Variants in PPFIBP2 observed in about 807,000 individuals in gnomAD.
PPFIBP2 encodes the protein PPFIB scaffold protein 2.
In PPFIBP2, 118 loss-of-function variants were observed where a neutral mutation model predicts 118.3. The observed-to-expected ratio is 1.00, with a 90% CI of 0.86 to 1.16. PPFIBP2 has a LOEUF of 1.16. Among genes scored for constraint, PPFIBP2 ranks in the 50% most tolerant of loss-of-function variants. The pLI, the probability that PPFIBP2 is intolerant of heterozygous loss-of-function variation, is 0.00. For synonymous variants in PPFIBP2, 414 were observed against 397.4 expected (o/e 1.04, Z -0.50); for missense variants, 1,195 against 1,073.1 (o/e 1.11, Z -1.59).
intron 5 of PPFIBP2, among the ~76,000 whole-genome samples, chr11:7,606,230 T>C (rs1383265978): frequency 2.0e-5 from 3 of 152,188 alleles, no homozygotes; most frequent in Non-Finnish European, 4.4e-5. Flanking sequence ...TGGTCTCCAA[T>C]TGAAATGACG....
At chr11:7,539,597 G>A (rs1851563872) in intron 1 of PPFIBP2, 1 of 152,348 alleles carries the variant, frequency 6.6e-6, no homozygotes, top group Non-Finnish European at 1.5e-5. Context: ...TGAGCTCCGG[G>A]GTCAGAGATA....
chr11:7,535,761 C>T (rs778161675), intron 1 of PPFIBP2, among the ~76,000 whole-genome samples: 8 of 152,128 alleles, frequency 5.3e-5, no homozygotes, highest in Non-Finnish European at 1.0e-4. Context: ...AGAGGAGGTT[C>T]TCCAGTGCCC....
intron 4 of PPFIBP2, among the ~76,000 whole-genome samples, chr11:7,594,979 C>T (rs191438512): frequency 6.9e-6 from 1 of 144,192 alleles, no homozygotes; most frequent in African/African-American, 2.5e-5. Flanking sequence ...AATACATTAA[C>T]TATTTCAGGT....
Position 7,608,238 on chromosome 11 carries a change from A to G in PPFIBP2, c.487-2053A>G, listed in dbSNP as rs189109641. On this transcript the variant is annotated intron_variant, in intron 5 of 23. Coordinates refer to ENST00000299492, the MANE Select transcript of PPFIBP2 (RefSeq NM_003621.5). The stretch of plus-strand genomic sequence containing the variant: ...ATATTTGTTGATTGCCTATTTTAGC[A>G]TGTTTTTTTAAATGTCTCTTAAAAT... Among the ~76,000 whole-genome samples, 14 of 152,312 alleles carry G rather than the reference A, an allele frequency of 9.2e-5. No individual in the cohort carries two copies. In the East Asian group the frequency reaches 2.3e-3, roughly 25 times the overall value.
chr11:7,630,803 T>A (rs11823260), intron 10 of PPFIBP2, 122 bp from the exon 11 acceptor site: 116,776 of 735,700 alleles, frequency 0.16, 10,325 homozygotes, highest in Middle Eastern at 0.2. Context: ...ACTCTTACTG[T>A]CCCTTTATAT....
intron 12 of PPFIBP2, among the ~76,000 whole-genome samples, chr11:7,633,245 G>A (rs887412476): frequency 3.3e-5 from 5 of 152,186 alleles, no homozygotes; most frequent in Admixed American, 6.5e-5. Context: ...AGAGCATCCC[G>A]TGATGTGTGT....
chr11:7,625,979 G>A lies in PPFIBP2; in HGVS notation c.826+88G>A. The A allele has an allele frequency of 1.8e-6, 2 of 1,115,200 alleles. 1 individual carries two copies. The highest frequency in any genetic ancestry group is 2.6e-6 in the Non-Finnish European group (2 of 758,672). 69.1% of individuals were successfully genotyped at this position (1,115,200 alleles called of 1,614,324 possible). ...AGCATGTGTTTCTATAAATGAGTGT[G>A]CATATGTGCTTGTGTGTGTAGCCAT... is the stretch of plus-strand genomic sequence containing the variant. On this transcript the variant is annotated intron_variant, in intron 8 of 23. Transcript: ENST00000299492.
rs1849024781 is a variant in PPFIBP2 at position 7,514,138 on chromosome 11, C to CA, written c.-37+18dup. 1 of 152,320 alleles carries CA rather than the reference C, an allele frequency of 6.6e-6. No individual in the cohort carries two copies. The allele number at this position is 152,320 out of a possible 1,614,324, so 9.4% of individuals were successfully genotyped here. ...CGTACCCAGGTCAGTGGGCTCTCCCCACACCCCGGGCTTGCCGCGCGGTCG... is the reference window on the plus strand; with the variant it reads ...CGTACCCAGGTCAGTGGGCTCTCCCCAACACCCCGGGCTTGCCGCGCGGTCG... On this transcript the variant is annotated intron_variant, in intron 1 of 23. Transcript: ENST00000299492.
Position 7,648,470 on chromosome 11 carries a change from T to A in PPFIBP2, c.1730T>A (p.Ile577Asn), listed in dbSNP as rs1853456748. The A allele has an allele frequency of 6.2e-7, 1 of 1,613,986 alleles. No homozygotes were observed. ...GACTTTGGCCTGGCTCAGTATGTGA[T>A]CTTTGCCAGGCAGTGGGTATCTTCT... ...LEDFGLAQYV[I>N]FARQWVSSGH... The change falls in exon 18 of 24, where the codon ATC becomes AAC. Residue 577 changes from isoleucine to asparagine, a missense_variant. Ile to Asn is a moderately radical substitution (Grantham distance 149). Transcript: ENST00000299492.
At chr11:7,531,680 G>A (rs1590133116) in intron 1 of PPFIBP2, among the ~76,000 whole-genome samples, 2 of 152,220 alleles carry the variant, frequency 1.3e-5, no homozygotes, top group Middle Eastern at 3.4e-3. Context: ...GGGGGTGTGT[G>A]TTAGTTTGCT....
intron 3 of PPFIBP2, among the ~76,000 whole-genome samples, chr11:7,569,233 G>C (rs1564984191): frequency 1.3e-5 from 2 of 152,246 alleles, no homozygotes; most frequent in Non-Finnish European, 2.9e-5. Flanking sequence ...TCTGGGTCCT[G>C]GCAGAGCTAA....
In PPFIBP2 at chr11:7,653,525, C is replaced by T. The variant is rs1345894234; in HGVS notation, c.*307C>T. 2.5e-5 allele frequency: 34 copies of T among 1,345,056 alleles called. No homozygotes were observed. The highest frequency in any genetic ancestry group is 3.7e-5 in the South Asian group (3 of 81,492). The allele number at this position is 1,345,056 out of a possible 1,614,324, so 83.3% of individuals were successfully genotyped here. On this transcript the variant is annotated 3_prime_UTR_variant, in exon 24 of 24. Coordinates refer to ENST00000299492, the MANE Select transcript of PPFIBP2 (RefSeq NM_003621.5). ...AGCACCAGTGGAAACACATGAACTT[C>T]GATGCAGGTCCAGAGACCATGGACA...
intron 2 of PPFIBP2, among the ~76,000 whole-genome samples, chr11:7,549,842 T>C (rs1332364421): frequency 6.6e-6 from 1 of 152,192 alleles, no homozygotes; most frequent in African/African-American, 2.4e-5. Flanking sequence ...CTGATTCTAA[T>C]GTAAAATTTT....
At chr11:7,629,391 G>A (rs1850453378) in intron 9 of PPFIBP2, 68 bp from the exon 10 acceptor site, 3 of 1,464,980 alleles carry the variant, frequency 2.0e-6, no homozygotes, top group Non-Finnish European at 2.9e-6. Context: ...CATAGCGTGG[G>A]TTCCAAAATG....
At chr11:7,594,916 C>CAAAAAAAAAAAAA (rs58084975) in intron 4 of PPFIBP2, among the ~76,000 whole-genome samples, 1 of 64,044 alleles carries the variant, frequency 1.6e-5, no homozygotes, top group African/African-American at 5.6e-5. Flanking sequence ...GACTCCATCT[C>CAAAAAAAAAAAAA]AAAAAAAAAA....
At chr11:7,637,660 A>G (rs1851623355) in intron 14 of PPFIBP2, among the ~76,000 whole-genome samples, 1 of 152,172 alleles carries the variant, frequency 6.6e-6, no homozygotes, top group South Asian at 2.1e-4. Flanking sequence ...CTTTTTGGAG[A>G]CAGGAGAAAC....
At chr11:7,594,077 A>C (rs1467609579) in intron 4 of PPFIBP2, among the ~76,000 whole-genome samples, 1 of 152,130 alleles carries the variant, frequency 6.6e-6, no homozygotes, top group Non-Finnish European at 1.5e-5. Flanking sequence ...CCTGGAACCC[A>C]CCCCAGGCTA....
At chr11:7,618,149 G>A (rs186978678) in intron 6 of PPFIBP2, among the ~76,000 whole-genome samples, 10 of 152,298 alleles carry the variant, frequency 6.6e-5, no homozygotes, top group Middle Eastern at 3.4e-3. Flanking sequence ...CATAGGTGTT[G>A]CGGGAAGGGA....
chr11:7,648,631 G>A, intron 18 of PPFIBP2, 94 bp downstream of exon 18: 1 of 1,550,042 alleles, frequency 6.5e-7, no homozygotes, highest in Non-Finnish European at 8.8e-7. Flanking sequence ...ACACACAGGA[G>A]GATGGATGGA....
Sources: gnomAD v4.1 joint callset for allele counts (sites outside exome capture counted in the v4.1 genomes callset) on GRCh38, gnomAD v4.1.1 for gene constraint, MANE v1.5 for transcripts, NCBI Gene and HGNC (gene_info 2026-07-23, HGNC 2026-07-21) for gene names.